C1orf87: variants seen among roughly 807,000 people sequenced by gnomAD.
C1orf87 encodes uncharacterized protein C1orf87.
In C1orf87, 58 loss-of-function variants were observed where a neutral mutation model predicts 60.5. The ratio of observed to expected loss-of-function variants is 0.96; its 90% CI spans 0.78 to 1.19. The LOEUF (loss-of-function observed/expected upper bound fraction) is 1.19. Among genes scored for constraint, C1orf87 ranks in the 50% most tolerant of loss-of-function variants. C1orf87 has a pLI of 0.00. For missense variants in C1orf87, 673 were observed against 638.6 expected (o/e 1.05, Z -0.58); for synonymous variants, 236 against 227.4 (o/e 1.04, Z -0.34).
intron 3 of C1orf87, among the ~76,000 whole-genome samples, chr1:60,047,391 T>A (rs1005909686): frequency 6.6e-6 from 1 of 152,208 alleles, no homozygotes; most frequent in African/African-American, 2.4e-5. Flanking sequence ...ATTATGTCGC[T>A]TTCAACTGTG....
intron 2 of C1orf87, among the ~76,000 whole-genome samples, chr1:60,066,133 T>G (rs1159951105): frequency 6.6e-6 from 1 of 152,206 alleles, no homozygotes; most frequent in Non-Finnish European, 1.5e-5. Flanking sequence ...CGATGATACC[T>G]GCTGACTAAT....
At chr1:60,006,162 TA>T (rs147683101) in intron 9 of C1orf87, among the ~76,000 whole-genome samples, 3,267 of 152,162 alleles carry the variant, frequency 0.021, 114 homozygotes, top group African/African-American at 0.076. Flanking sequence ...GCTATTTTGC[TA>T]TTGTAGAATG....
chr1:60,019,204 C>T (rs1353778269), intron 8 of C1orf87, among the ~76,000 whole-genome samples: 2 of 152,140 alleles, frequency 1.3e-5, no homozygotes, highest in Non-Finnish European at 2.9e-5. Context: ...ATGCTGTTCT[C>T]ATGATAGTTT....
chr1:60,001,686 C>T (rs1285748837), intron 9 of C1orf87, among the ~76,000 whole-genome samples: 2 of 152,008 alleles, frequency 1.3e-5, no homozygotes, highest in Non-Finnish European at 2.9e-5. Context: ...GTTGAAGGGA[C>T]GTCTTCCTGT....
rs1645321618 is a variant in C1orf87 at position 60,041,110 on chromosome 1, G to T, written c.364C>A (p.His122Asn). 6.3e-7 allele frequency: 1 copy of T among 1,586,384 alleles called. No homozygotes were observed. The highest frequency in any genetic ancestry group is 1.3e-5 in the African/African-American group (1 of 74,462). ...DGNIPSQANV[H>N]CSSVPTGDQS... Reference sequence around the variant, plus strand: ...TCTCCGGTTGGTACAGAGCTGCAGTGGACATTTGCTTGACTGGGAATCTTA... The same window carrying T: ...TCTCCGGTTGGTACAGAGCTGCAGTTGACATTTGCTTGACTGGGAATCTTA... Residue 122 changes from histidine (H) to asparagine (N), a missense_variant, in exon 4 of 12, where the codon CAC becomes AAC. Coordinates refer to ENST00000371201, the MANE Select transcript of C1orf87 (RefSeq NM_152377.3).
intron 8 of C1orf87, among the ~76,000 whole-genome samples, chr1:60,011,647 G>GA (rs1156497591): frequency 6.6e-6 from 1 of 152,072 alleles, no homozygotes; most frequent in Non-Finnish European, 1.5e-5. Context: ...TCCATCAGAA[G>GA]ACGTCAAGTG....
chr1:60,018,145 A>G (rs1645136600), intron 8 of C1orf87, among the ~76,000 whole-genome samples: 1 of 152,240 alleles, frequency 6.6e-6, no homozygotes, highest in Non-Finnish European at 1.5e-5. Flanking sequence ...TAAAATAATG[A>G]TTCGTGCATT....
chr1:59,993,793 T>TAA (rs1198360976), intron 11 of C1orf87, among the ~76,000 whole-genome samples: 5 of 150,338 alleles, frequency 3.3e-5, no homozygotes, highest in African/African-American at 9.7e-5. Flanking sequence ...AGTTTTGCTC[T>TAA]TGTTGCCCAG....
chr1:60,029,955 C>A (rs112972486), intron 7 of C1orf87, among the ~76,000 whole-genome samples: 12 of 152,242 alleles, frequency 7.9e-5, no homozygotes, highest in Middle Eastern at 6.8e-3. Flanking sequence ...TCCCCGCATT[C>A]TTTGCCAAAC....
chr1:59,997,733 G>C lies in C1orf87; in HGVS notation c.1356C>G (p.Ile452Met), dbSNP rs1333575955. The change falls in exon 11 of 12, where the codon ATC (isoleucine) becomes ATG (methionine). Residue 452 changes from isoleucine to methionine, a missense_variant. Physicochemically the swap from Ile to Met is conservative, Grantham distance 10 (BLOSUM62 1). Transcript: ENST00000371201. The stretch of plus-strand genomic sequence containing the variant: ...TCACGAAGGGCTGGGAGACTGGCCT[G>C]ATCTTTAAAGGTTTCAGAGGATCTT... ...ACKDPLKPLK[I>M]RPVSQPFVNP... is the part of the protein sequence containing the mutation. 3 of 1,613,970 alleles carry C rather than the reference G, an allele frequency of 1.9e-6. No homozygotes were observed. In the Admixed American group the frequency reaches 5.0e-5, roughly 27 times the overall value.
chr1:60,013,826 C>G (rs1265963553), intron 8 of C1orf87, among the ~76,000 whole-genome samples: 1 of 152,084 alleles, frequency 6.6e-6, no homozygotes, highest in Non-Finnish European at 1.5e-5. Context: ...CAACTTCCAT[C>G]CATTCCTGGT....
At chr1:60,028,801 C>T (rs771600875) in intron 7 of C1orf87, among the ~76,000 whole-genome samples, 4 of 151,628 alleles carry the variant, frequency 2.6e-5, no homozygotes, top group Non-Finnish European at 4.4e-5. Flanking sequence ...GAGACATGGC[C>T]GATCATGCCA....
At chr1:60,052,888 G>A (rs539071305) in intron 3 of C1orf87, among the ~76,000 whole-genome samples, 23 of 152,292 alleles carry the variant, frequency 1.5e-4, no homozygotes, top group African/African-American at 2.9e-4. Context: ...AGCACCACAC[G>A]CCCGCCCGGC....
In C1orf87 at chr1:60,001,115, C is replaced by T. The variant is rs1370788809; in HGVS notation, c.1234G>A (p.Glu412Lys). 25 of 1,606,062 alleles carry T rather than the reference C, an allele frequency of 1.6e-5. No homozygotes were observed. Among genetic ancestry groups the T allele is most frequent in the Non-Finnish European group, 1.8e-5 (21 of 1,176,262 alleles). Reference protein sequence around the residue: ...KKAPAPPMEPEVPEMSQSKTE... With the variant: ...KKAPAPPMEPKVPEMSQSKTE... ...TTGCTTTGAGACATCTCGGGGACTT[C>T]AGGCTCCATTGGAGGGGCAGGGGCT... is the stretch of plus-strand genomic sequence containing the variant. The change falls in exon 10 of 12, where the codon GAA (glutamate) becomes AAA (lysine). Residue 412 changes from glutamate to lysine, a missense_variant. Coordinates refer to ENST00000371201, the MANE Select transcript of C1orf87 (RefSeq NM_152377.3).
At chr1:60,045,197 G>A (rs890365989) in intron 3 of C1orf87, among the ~76,000 whole-genome samples, 3 of 152,074 alleles carry the variant, frequency 2.0e-5, no homozygotes, top group Non-Finnish European at 4.4e-5. Flanking sequence ...AAACAATTTA[G>A]ACCAAGGTAC....
At position 60,035,315 on chromosome 1, in the gene C1orf87, G is replaced by A. The variant is rs192513186; in HGVS notation, c.864-1674C>T. ...TCATGAAGCTTTGGTCCCTGGCTCC[G>A]TACACTGAGTACTGGATGGGCAGGT... On this transcript the variant is annotated intron_variant, in intron 6 of 11. Transcript: ENST00000371201. Among the ~76,000 whole-genome samples, 156 of 152,312 alleles carry A rather than the reference G, an allele frequency of 1.0e-3. 1 individual carries two copies. The highest frequency in any genetic ancestry group is 9.9e-3 in the Admixed American group (152 of 15,300).
chr1:60,049,801 A>T (rs1490776293), intron 3 of C1orf87, among the ~76,000 whole-genome samples: 25 of 152,126 alleles, frequency 1.6e-4, no homozygotes, highest in Non-Finnish European at 3.1e-4. Context: ...TATATGAGGA[A>T]TAGACCCAAC....
chr1:60,046,490 G>C (rs1450274802), intron 3 of C1orf87, among the ~76,000 whole-genome samples: 1 of 131,496 alleles, frequency 7.6e-6, no homozygotes, highest in Non-Finnish European at 1.6e-5. Flanking sequence ...CTAGCGTGCA[G>C]AGTAGCACAG....
intron 2 of C1orf87, among the ~76,000 whole-genome samples, chr1:60,061,187 A>G (rs978087820): frequency 2.0e-5 from 3 of 152,234 alleles, no homozygotes; most frequent in Non-Finnish European, 4.4e-5. Flanking sequence ...TCAGGAATAT[A>G]TAAAAAGATG....
Sources: gnomAD v4.1 joint callset for allele counts (sites outside exome capture counted in the v4.1 genomes callset) on GRCh38, gnomAD v4.1.1 for gene constraint, MANE v1.5 for transcripts, NCBI Gene and HGNC (gene_info 2026-07-23, HGNC 2026-07-21) for gene names.